Variants in CABIN1 observed in about 807,000 individuals in gnomAD.
The protein encoded by CABIN1 is calcineurin binding protein 1.
CABIN1 carries 133 observed loss-of-function variants against 227.7 expected under a neutral mutation model. The ratio of observed to expected loss-of-function variants is 0.58; its 90% confidence interval spans 0.51 to 0.67. CABIN1 has a LOEUF of 0.67. Ranked by LOEUF, CABIN1 falls within the 30% of genes least tolerant of loss-of-function variation. CABIN1 has a pLI of 0.00. For missense variants in CABIN1, 2,408 were observed against 2,852.5 expected, an observed-to-expected ratio of 0.84 and a Z score of 3.55; for synonymous variants, 1,086 against 1,155.1, an observed-to-expected ratio of 0.94 and a Z score of 1.21.
chr22:24,172,882 C>T (rs1202158084), intron 34 of CABIN1, among the ~76,000 whole-genome samples: 1 of 152,304 alleles, frequency 6.6e-6, no homozygotes, highest in South Asian at 2.1e-4. Context: ...GGCAGGGAGC[C>T]CTTCCCTGTT....
chr22:24,103,969 T>G (rs1386679354), intron 26 of CABIN1, among the ~76,000 whole-genome samples: 1 of 151,976 alleles, frequency 6.6e-6, no homozygotes, highest in Non-Finnish European at 1.5e-5. Context: ...CTGGAGAAGG[T>G]GAGTCTCTAG....
intron 1 of CABIN1, among the ~76,000 whole-genome samples, chr22:24,018,398 A>G (rs575850823): frequency 6.6e-5 from 10 of 152,318 alleles, no homozygotes; most frequent in Non-Finnish European, 1.3e-4. Flanking sequence ...TGTTAATACA[A>G]AGGTTAAAGA....
Position 24,043,012 on chromosome 22 carries a change from C to T in CABIN1, c.454C>T (p.Arg152Trp), listed in dbSNP as rs778830835. ...TCGCCATGCTTTTGAGGAAGGGCTG[C>T]GGTGCAATCCTGACCACTGGCCCTG... ...LARHAFEEGL[R>W]CNPDHWPCLD... The change falls in exon 6 of 37, where the codon CGG becomes TGG. Residue 152 changes from arginine (R) to tryptophan (W), a missense_variant. Transcript: ENST00000263119. The T allele has an allele frequency of 8.7e-6, 14 of 1,613,844 alleles. No homozygotes were observed. The highest frequency in any genetic ancestry group is 5.0e-5 in the Admixed American group (3 of 59,982).
At chr22:24,103,879 C>T (rs1311542315) in intron 26 of CABIN1, among the ~76,000 whole-genome samples, 1 of 151,998 alleles carries the variant, frequency 6.6e-6, no homozygotes, top group Non-Finnish European at 1.5e-5. Context: ...TATCATGGGA[C>T]AGTAGTTGGT....
intron 29 of CABIN1, among the ~76,000 whole-genome samples, chr22:24,161,345 C>T (rs574915923): frequency 6.6e-6 from 1 of 152,266 alleles, no homozygotes; most frequent in East Asian, 1.9e-4. Flanking sequence ...GCCACTGTGG[C>T]CATCAGGGAA....
chr22:24,041,572 C>T (rs2037375986), intron 5 of CABIN1, among the ~76,000 whole-genome samples: 1 of 152,106 alleles, frequency 6.6e-6, no homozygotes, highest in South Asian at 2.1e-4. Context: ...ATCTCTAGGT[C>T]TACACCAATA....
chr22:24,143,836 G>C (rs977767653), intron 29 of CABIN1, among the ~76,000 whole-genome samples: 9 of 152,238 alleles, frequency 5.9e-5, no homozygotes, highest in East Asian at 5.8e-4. Context: ...CTGCCCCCTG[G>C]GCCATCAGAG....
At chr22:24,028,204 A>T (rs1052629531) in intron 1 of CABIN1, among the ~76,000 whole-genome samples, 1 of 152,250 alleles carries the variant, frequency 6.6e-6, no homozygotes, top group Admixed American at 6.5e-5. Flanking sequence ...AAGTAAGCAC[A>T]TGCTCTTGGA....
chr22:24,016,533 T>A (rs1452115304), intron 1 of CABIN1, among the ~76,000 whole-genome samples: 1 of 152,254 alleles, frequency 6.6e-6, no homozygotes, highest in Non-Finnish European at 1.5e-5. Context: ...AGTTTATTCA[T>A]CTACTCTCCT....
Position 24,176,125 on chromosome 22 carries a change from G to T in CABIN1, c.6055G>T (p.Ala2019Ser). The T allele has an allele frequency of 6.2e-7, 1 of 1,611,004 alleles. No homozygotes were observed. Among genetic ancestry groups the T allele is most frequent in the Admixed American group, 1.7e-5 (1 of 59,764 alleles). The change falls in exon 35 of 37, where the codon GCG becomes TCG. Residue 2019 changes from alanine to serine, a missense_variant. Around this residue, in one of 3 missense-constraint regions of CABIN1, gnomAD observed 714 missense variants for 773.8 expected, o/e 0.92. Coordinates refer to ENST00000263119, the MANE Select transcript of CABIN1 (RefSeq NM_012295.4). ...TGTCCCCACAGAGGGAGAAGAGCTG[G>T]CGAGAGTGGCAGAGGGCACCAGCTT... ...ASLGPEGEEL[A>S]RVAEGTSFPP...
chr22:24,091,595 C>T lies in CABIN1; in HGVS notation c.3538C>T (p.Arg1180Cys), dbSNP rs370402538. 3.2e-5 allele frequency: 51 copies of T among 1,614,012 alleles called. No individual in the cohort carries two copies. The highest frequency in any genetic ancestry group is 1.6e-4 in the South Asian group (15 of 91,086). Residue 1180 changes from arginine to cysteine, a missense_variant, in exon 24 of 37, where the codon CGC (arginine) becomes TGC (cysteine). Around this residue, in one of 3 missense-constraint regions of CABIN1, gnomAD observed 649 missense variants for 910.3 expected, o/e 0.71. Coordinates refer to ENST00000263119, the MANE Select transcript of CABIN1 (RefSeq NM_012295.4). ...GATCTTCTTACAGATGGAGGGCCGG[C>T]GCGACAGCATGCTAGAGACAGCCAA... ...PELVQQMEGR[R>C]DSMLETAKHC...
At chr22:24,039,635 C>T (rs1005217964) in intron 4 of CABIN1, among the ~76,000 whole-genome samples, 1 of 152,204 alleles carries the variant, frequency 6.6e-6, no homozygotes, top group African/African-American at 2.4e-5. Context: ...GTGGGCCCAG[C>T]ATCCAACAGT....
chr22:24,041,046 G>A, intron 4 of CABIN1, 93 bp from the exon 5 acceptor site: 2 of 1,499,194 alleles, frequency 1.3e-6, no homozygotes, highest in East Asian at 2.3e-5. Context: ...TCAAGGGCCT[G>A]CAGCAGAGGC....
chr22:24,020,649 A>G (rs2035653534), intron 1 of CABIN1, among the ~76,000 whole-genome samples: 1 of 152,112 alleles, frequency 6.6e-6, no homozygotes, highest in South Asian at 2.1e-4. Flanking sequence ...CAACATTTTC[A>G]TTGCATTTCC....
In CABIN1 at chr22:24,127,750, A is replaced by T. The variant is rs935711449; in HGVS notation, c.4633-6552A>T. ...AGTCATTCATCCTGCTTCTGTTCTG[A>T]TTCTCTAATGTTGTGAATCAGGTGA... On this transcript the variant is annotated intron_variant, in intron 28 of 36. Transcript: ENST00000263119. Among the ~76,000 whole-genome samples, 9 of 152,196 alleles carry T rather than the reference A, an allele frequency of 5.9e-5. No individual in the cohort carries two copies. In the East Asian group the frequency reaches 1.7e-3, roughly 29 times the overall value.
chr22:24,047,612 G>A lies in CABIN1; in HGVS notation c.527-1479G>A, dbSNP rs565311109. 3.9e-5 allele frequency among the ~76,000 whole-genome samples: 6 copies of A among 152,348 alleles called. No homozygotes were observed. The East Asian group carries it at 5.8e-4, about 15-fold the overall frequency. On this transcript the variant is annotated intron_variant, in intron 6 of 36. Transcript: ENST00000263119. ...CCTCTCCTTGCTCACAGGCTGCACA[G>A]CCTTTGTGCACCTTGGGGCGTGTGG...
intron 16 of CABIN1, among the ~76,000 whole-genome samples, chr22:24,068,411 C>T (rs2039847014): frequency 6.6e-6 from 1 of 152,210 alleles, no homozygotes; most frequent in Non-Finnish European, 1.5e-5. Flanking sequence ...TCTCTGCCTC[C>T]ATAGGATGGC....
chr22:24,155,835 C>T lies in CABIN1; in HGVS notation c.4747-8565C>T, dbSNP rs1020878143. The T allele has an allele frequency of 2.7e-4, 114 of 427,786 alleles. 1 individual carries two copies. Among genetic ancestry groups the T allele is most frequent in the African/African-American group, 2.2e-3 (107 of 48,132 alleles). The allele number at this position is 427,786 out of a possible 1,614,324, so 26.5% of individuals were successfully genotyped here. On this transcript the variant is annotated intron_variant, in intron 29 of 36. Coordinates refer to ENST00000263119, the MANE Select transcript of CABIN1 (RefSeq NM_012295.4). The stretch of plus-strand genomic sequence containing the variant: ...ACAGCTTCCTGCAGTGAGAGCTGCA[C>T]CCACTTTGCCCGGCAGCGGTCCACA...
At chr22:24,135,401 G>T (rs1235872831) in intron 29 of CABIN1, among the ~76,000 whole-genome samples, 1 of 151,660 alleles carries the variant, frequency 6.6e-6, no homozygotes, top group Non-Finnish European at 1.5e-5. Flanking sequence ...AAAAAAAAAA[G>T]AGTGTGACCA....
Sources: gnomAD v4.1 joint callset for allele counts (sites outside exome capture counted in the v4.1 genomes callset) on GRCh38, gnomAD v4.1.1 for gene constraint, gnomAD v4.1.1 regional missense constraint, MANE v1.5 for transcripts, NCBI Gene and HGNC (gene_info 2026-07-23, HGNC 2026-07-21) for gene names.